Variants in DENND11 observed in about 807,000 individuals in gnomAD.
DENND11 encodes DENN domain-containing protein 11.
A neutral mutation model predicts 49.2 loss-of-function variants in DENND11; 34 were observed. The ratio of observed to expected loss-of-function variants is 0.69; its 90% CI spans 0.53 to 0.92. The LOEUF (loss-of-function observed/expected upper bound fraction) is 0.92, where lower values mean the gene tolerates loss of function less well. DENND11 is among the 40% of genes least tolerant of loss of function. The pLI, the probability that DENND11 is intolerant of heterozygous loss-of-function variation, is 0.00. For synonymous variants in DENND11, 238 were observed against 230.3 expected, an observed-to-expected ratio of 1.03 and a Z score of -0.30; for missense variants, 475 against 581.6, an observed-to-expected ratio of 0.82 and a Z score of 1.88.
intron 1 of DENND11, among the ~76,000 whole-genome samples, chr7:141,699,287 C>T (rs1798467279): frequency 6.6e-6 from 1 of 152,116 alleles, no homozygotes; most frequent in Admixed American, 6.5e-5. Flanking sequence ...CTATGGGCCT[C>T]ACTCCACCGG....
intron 3 of DENND11, among the ~76,000 whole-genome samples, chr7:141,674,893 C>T (rs2117061632): frequency 6.6e-6 from 1 of 152,244 alleles, no homozygotes; most frequent in Admixed American, 6.5e-5. Flanking sequence ...GCACCGAAGC[C>T]CTGGGCCATT....
chr7:141,683,266 T>C (rs1798175835), intron 3 of DENND11, among the ~76,000 whole-genome samples: 2 of 152,212 alleles, frequency 1.3e-5, no homozygotes, highest in Admixed American at 1.3e-4. Flanking sequence ...AAAAAGTTCC[T>C]AAAATTAAAA....
chr7:141,662,962 C>T, intron 8 of DENND11, 111 bp from the exon 9 acceptor site: 1 of 704,544 alleles, frequency 1.4e-6, no homozygotes, highest in East Asian at 3.2e-5. Flanking sequence ...ATGTACTTTT[C>T]AGTGGATTCG....
chr7:141,662,889 G>GTGC, intron 8 of DENND11, 38 bp from the exon 9 acceptor site: 1 of 1,466,712 alleles, frequency 6.8e-7, no homozygotes, highest in Non-Finnish European at 9.1e-7. Flanking sequence ...AGGAAGCGGG[G>GTGC]GGGAATAAAA....
intron 3 of DENND11, among the ~76,000 whole-genome samples, chr7:141,679,685 C>G (rs1001256344): frequency 1.3e-5 from 2 of 149,890 alleles, no homozygotes; most frequent in Non-Finnish European, 3.0e-5. Context: ...GCACTCCAGC[C>G]TGGGACACAA....
intron 4 of DENND11, among the ~76,000 whole-genome samples, chr7:141,672,477 C>T (rs561522629): frequency 1.3e-5 from 2 of 152,290 alleles, no homozygotes; most frequent in South Asian, 4.1e-4. Context: ...TGAGGGGAGC[C>T]CCCAACTAAC....
rs912285285 is a variant in DENND11, at chr7:141,668,481, G to A, written c.682-2056C>T. Among the ~76,000 whole-genome samples, 6 of 152,356 alleles carry A rather than the reference G, an allele frequency of 3.9e-5. No homozygotes were observed. In the South Asian group the frequency reaches 1.2e-3, roughly 32 times the overall value. On this transcript the variant is annotated intron_variant, in intron 4 of 8. Transcript: ENST00000536163. ...CGTGCCTGTAATCCCAGCTACTTGG[G>A]AGGCTGAGGCAGAAGAATTGCTTGA... is the stretch of plus-strand genomic sequence containing the variant.
chr7:141,664,351 A>T, intron 7 of DENND11, 111 bp from the exon 8 acceptor site: 1 of 771,146 alleles, frequency 1.3e-6, no homozygotes, highest in Non-Finnish European at 2.2e-6. Context: ...AAGCAGCACC[A>T]GCCAGGAAAG....
rs775361873 is a variant in DENND11, at chr7:141,686,621, G to A, written c.306C>T (p.Asp102=). The A allele has an allele frequency of 1.2e-6, 2 of 1,612,854 alleles. No homozygotes were observed. The highest frequency in any genetic ancestry group is 4.5e-5 in the East Asian group (2 of 44,880). The change falls in exon 2 of 9, where the codon GAC becomes GAT. Residue 102 remains aspartate (D), a synonymous_variant. Coordinates refer to ENST00000536163, the MANE Select transcript of DENND11 (RefSeq NM_001080392.2). Reference sequence around the variant, plus strand: ...TAGACTTGAACTCAACACCTTCAAGGTCAATATCTTGAGGTAAGCACCATT... The same window carrying A: ...TAGACTTGAACTCAACACCTTCAAGATCAATATCTTGAGGTAAGCACCATT... ...MVEWCLPQDI[D]LEGVEFKSMA...
intron 1 of DENND11, among the ~76,000 whole-genome samples, chr7:141,691,528 T>C (rs1023352734): frequency 6.6e-6 from 1 of 152,200 alleles, no homozygotes; most frequent in African/African-American, 2.4e-5. Flanking sequence ...CTACCAAATC[T>C]AATTGCACAG....
intron 4 of DENND11, among the ~76,000 whole-genome samples, chr7:141,668,588 C>T (rs1309919623): frequency 1.4e-5 from 2 of 147,624 alleles, no homozygotes; most frequent in Non-Finnish European, 1.5e-5. Context: ...TGTCTCAAAA[C>T]AAACAAACAA....
Position 141,665,321 on chromosome 7 carries a change from G to A in DENND11, c.821-3C>T, listed in dbSNP as rs991585154. 8 of 1,613,738 alleles carry A rather than the reference G, an allele frequency of 5.0e-6. No homozygotes were observed. Among genetic ancestry groups the A allele is most frequent in the Admixed American group, 1.7e-5 (1 of 59,988 alleles). On this transcript the variant is annotated splice_region_variant and splice_polypyrimidine_tract_variant and intron_variant, in intron 5 of 8. Coordinates refer to ENST00000536163, the MANE Select transcript of DENND11 (RefSeq NM_001080392.2). ...GGCCAAGCAGCAGCAGCAGTACACT[G>A]TGGGGATAGAGGAGGTGAGCGGGGA... is the stretch of plus-strand genomic sequence containing the variant.
intron 4 of DENND11, among the ~76,000 whole-genome samples, chr7:141,667,305 C>T (rs1191838901): frequency 6.6e-6 from 1 of 152,196 alleles, no homozygotes; most frequent in Non-Finnish European, 1.5e-5. Flanking sequence ...GGGTTAAGAG[C>T]ATAAGCTCTG....
chr7:141,672,863 C>A (rs1798004300), intron 4 of DENND11, among the ~76,000 whole-genome samples: 1 of 152,160 alleles, frequency 6.6e-6, no homozygotes, highest in African/African-American at 2.4e-5. Context: ...GATTTCCTGT[C>A]TTAAATTAGT....
In DENND11 at chr7:141,660,695, C is replaced by A. The variant is rs1797776541; in HGVS notation, c.*1961G>T. ...TTCTACTCCTGCCTCTAACCACCTACCCCCAGCTTAAAACACCCTGAACCT... is the reference window on the plus strand; with the variant it reads ...TTCTACTCCTGCCTCTAACCACCTAACCCCAGCTTAAAACACCCTGAACCT... On this transcript the variant is annotated 3_prime_UTR_variant, in exon 9 of 9. Transcript: ENST00000536163. The A allele has an allele frequency of 6.6e-6, 1 of 152,486 alleles. No individual in the cohort carries two copies. The highest frequency in any genetic ancestry group is 2.1e-4 in the South Asian group (1 of 4,826). 9.4% of individuals were successfully genotyped at this position (152,486 alleles called of 1,614,324 possible).
chr7:141,701,823 C>A (rs1798525218), intron 1 of DENND11, 63 bp downstream of exon 1: 2 of 1,133,130 alleles, frequency 1.8e-6, no homozygotes, highest in Admixed American at 4.9e-5. Flanking sequence ...CCCTCCCCCG[C>A]GCCCCCAAAG....
At position 141,665,334 on chromosome 7, in the gene DENND11, A is replaced by T. The variant is rs377618611; in HGVS notation, c.821-16T>A. ...CAGCAGTACACTGTGGGGATAGAGG[A>T]GGTGAGCGGGGAGGGTCTGCCCCTC... On this transcript the variant is annotated splice_polypyrimidine_tract_variant and intron_variant, in intron 5 of 8. Transcript: ENST00000536163. 15 of 1,613,600 alleles carry T rather than the reference A, an allele frequency of 9.3e-6. No homozygotes were observed. Among genetic ancestry groups the T allele is most frequent in the Non-Finnish European group, 1.3e-5 (15 of 1,179,786 alleles).
At chr7:141,683,823 T>G (rs1427696826) in intron 3 of DENND11, among the ~76,000 whole-genome samples, 1 of 152,244 alleles carries the variant, frequency 6.6e-6, no homozygotes, top group African/African-American at 2.4e-5. Flanking sequence ...ATTCAAGAAT[T>G]GTACAACCAG....
At chr7:141,699,182 G>A (rs1798465216) in intron 1 of DENND11, among the ~76,000 whole-genome samples, 1 of 152,084 alleles carries the variant, frequency 6.6e-6, no homozygotes, top group African/African-American at 2.4e-5. Flanking sequence ...CAAAAGTCTG[G>A]GTGGGCCAAT....
Sources: allele counts gnomAD v4.1 joint callset (sites outside exome capture counted in the v4.1 genomes callset), GRCh38; gene constraint gnomAD v4.1.1; transcripts MANE v1.5; gene names NCBI Gene and HGNC (gene_info 2026-07-23, HGNC 2026-07-21).